Variants in HEATR5A observed in about 807,000 individuals in gnomAD.
The protein encoded by HEATR5A is HEAT repeat containing 5A.
In HEATR5A, 178 loss-of-function variants were observed where a neutral mutation model predicts 218.8. The observed-to-expected ratio is 0.81, with a 90% CI of 0.72 to 0.92. The LOEUF (loss-of-function observed/expected upper bound fraction) is 0.92, where lower values mean the gene tolerates loss of function less well. Among genes scored for constraint, HEATR5A ranks in the 40% least tolerant of loss-of-function variants. The pLI, the probability that HEATR5A is intolerant of heterozygous loss-of-function variation, is 0.00. For synonymous variants in HEATR5A, 864 were observed against 871.6 expected (o/e 0.99, Z 0.15); for missense variants, 2,420 against 2,418.9 (o/e 1.00, Z -0.01).
rs868050681 is a variant in HEATR5A at position 31,308,975 on chromosome 14, G to A, written c.4649C>T (p.Ser1550Phe). 2 of 1,613,756 alleles carry A rather than the reference G, an allele frequency of 1.2e-6. No individual in the cohort carries two copies. Among genetic ancestry groups the A allele is most frequent in the Non-Finnish European group, 1.7e-6 (2 of 1,179,768 alleles). ...TCTATCAGTGTAGACATCCTCAGGG[G>A]ACTTTATGGTAGCCCCAGATGATGA... Reference protein sequence around the residue: ...QGSSSGATIKSPEDVYTDRFH... With the variant: ...QGSSSGATIKFPEDVYTDRFH... Residue 1550 changes from serine to phenylalanine, a missense_variant, in exon 29 of 36, where the codon TCC becomes TTC. Ser to Phe is a radical substitution (Grantham distance 155). Coordinates refer to ENST00000543095, the MANE Select transcript of HEATR5A (RefSeq NM_015473.4).
intron 21 of HEATR5A, among the ~76,000 whole-genome samples, chr14:31,341,964 G>A (rs1900854176): frequency 6.6e-6 from 1 of 152,124 alleles, no homozygotes; most frequent in Non-Finnish European, 1.5e-5. Flanking sequence ...TCCTGGGGAA[G>A]AGTCCCTGAA....
At chr14:31,303,377 G>A (rs1899450759) in intron 32 of HEATR5A, among the ~76,000 whole-genome samples, 1 of 152,150 alleles carries the variant, frequency 6.6e-6, no homozygotes. Flanking sequence ...AGGTTGCAGT[G>A]AGCTGAGATC....
Position 31,326,298 on chromosome 14 carries a change from A to G in HEATR5A, c.3412T>C (p.Leu1138=), listed in dbSNP as rs1900263459. Residue 1138 remains leucine (L), a synonymous_variant, in exon 23 of 36, where the codon TTA becomes CTA. Transcript: ENST00000543095. ...EVGLEGALLI[L]LDKETDERLC... Reference sequence around the variant, plus strand: ...CTCTCATCTGTCTCCTTGTCTAGTAAGATCAACAATGCCCCCTCAAGGCCA... The same window carrying G: ...CTCTCATCTGTCTCCTTGTCTAGTAGGATCAACAATGCCCCCTCAAGGCCA... The G allele has an allele frequency of 1.2e-6, 2 of 1,613,290 alleles. No homozygotes were observed. The highest frequency in any genetic ancestry group is 1.7e-6 in the Non-Finnish European group (2 of 1,179,584).
Position 31,387,223 on chromosome 14 carries a change from T to C in HEATR5A, c.1086A>G (p.Ser362=). 2 of 1,613,848 alleles carry C rather than the reference T, an allele frequency of 1.2e-6. No individual in the cohort carries two copies. Among genetic ancestry groups the C allele is most frequent in the Non-Finnish European group, 1.7e-6 (2 of 1,179,870 alleles). ...IDAVCCRRCV[S]FILRTTIGGL... Reference sequence around the variant, plus strand: ...CACCTATAGTAGTTCGAAGAATAAATGAAACACAACGGCGACAGCAGACGG... The same window carrying C: ...CACCTATAGTAGTTCGAAGAATAAACGAAACACAACGGCGACAGCAGACGG... Residue 362 remains serine (S), a synonymous_variant, in exon 8 of 36, where the codon TCA becomes TCG. Transcript: ENST00000543095.
intron 12 of HEATR5A, among the ~76,000 whole-genome samples, chr14:31,372,767 T>C (rs1169361140): frequency 6.6e-6 from 1 of 152,122 alleles, no homozygotes; most frequent in African/African-American, 2.4e-5. Flanking sequence ...GCAGAGGTTG[T>C]GGTGAGCCAA....
intron 1 of HEATR5A, among the ~76,000 whole-genome samples, chr14:31,413,607 C>T (rs796278356): frequency 7.2e-5 from 11 of 152,188 alleles, no homozygotes; most frequent in African/African-American, 2.6e-4. Context: ...TAGGAACCAA[C>T]TCTAAGATGT....
Position 31,380,526 on chromosome 14 carries a change from C to T in HEATR5A, c.1649G>A (p.Arg550His), listed in dbSNP as rs755050539. ...AGCTTGTGTGCGCTGAGCTGAAAGGCGACTGTTTTGAGCAGCAGAACACAG... is the reference window on the plus strand; with the variant it reads ...AGCTTGTGTGCGCTGAGCTGAAAGGTGACTGTTTTGAGCAGCAGAACACAG... Reference protein sequence around the residue: ...DLLCSAAQNSRLSAQRTQAGW... With the variant: ...DLLCSAAQNSHLSAQRTQAGW... Residue 550 changes from arginine (R) to histidine (H), a missense_variant, in exon 11 of 36, where the codon CGC becomes CAC. Arg to His is a conservative substitution (Grantham distance 29). Coordinates refer to ENST00000543095, the MANE Select transcript of HEATR5A (RefSeq NM_015473.4). 1.2e-5 allele frequency: 19 copies of T among 1,608,320 alleles called. No homozygotes were observed. The highest frequency in any genetic ancestry group is 1.6e-4 in the Middle Eastern group (1 of 6,082).
At chr14:31,305,273 A>AT in intron 31 of HEATR5A, 96 bp from the exon 32 acceptor site, 1 of 1,319,170 alleles carries the variant, frequency 7.6e-7, no homozygotes, top group Non-Finnish European at 1.0e-6. Flanking sequence ...CATGTATTTT[A>AT]TTTTTTTGAG....
intron 19 of HEATR5A, among the ~76,000 whole-genome samples, chr14:31,346,864 C>T (rs761325548): frequency 1.7e-4 from 26 of 151,960 alleles, no homozygotes; most frequent in Non-Finnish European, 3.4e-4. Context: ...AGTAAAAGAA[C>T]GGGAGAAATA....
At chr14:31,323,482 T>A in intron 24 of HEATR5A, 83 bp downstream of exon 24, 4 of 1,123,098 alleles carry the variant, frequency 3.6e-6, no homozygotes, top group Non-Finnish European at 4.8e-6. Flanking sequence ...TAAAAAAATA[T>A]TTTAATATTT....
intron 14 of HEATR5A, among the ~76,000 whole-genome samples, chr14:31,362,713 G>A (rs1355971050): frequency 6.6e-6 from 1 of 150,504 alleles, no homozygotes; most frequent in African/African-American, 2.4e-5. Context: ...GGGAGGTCGA[G>A]GCTGCAGTGA....
intron 13 of HEATR5A, among the ~76,000 whole-genome samples, chr14:31,370,463 T>C (rs1566771655): frequency 6.6e-6 from 1 of 152,234 alleles, no homozygotes. Context: ...GAGTAAGTGT[T>C]GGTGAAAAAG....
Position 31,383,584 on chromosome 14 carries a change from A to G in HEATR5A, c.1533T>C (p.Ala511=), listed in dbSNP as rs17661360. 0.015 allele frequency: 23,532 copies of G among 1,613,996 alleles called. 197 individuals are homozygous for G. Among genetic ancestry groups the G allele is most frequent in the Non-Finnish European group, 0.018 (21,039 of 1,179,840 alleles). ...SPEAVTGFSF[A]VAALLGAVKH... ...TTACTGCTCCCAACAAAGCTGCTAC[A>G]GCAAAACTGAAGCCAGTCACTGCTT... The change falls in exon 10 of 36, where the codon GCT becomes GCC. Residue 511 remains alanine, a synonymous_variant. Transcript: ENST00000543095.
chr14:31,397,786 G>A (rs1379753806), intron 4 of HEATR5A, among the ~76,000 whole-genome samples: 1 of 152,078 alleles, frequency 6.6e-6, no homozygotes, highest in Non-Finnish European at 1.5e-5. Flanking sequence ...AGTCTTCCGA[G>A]GGGCTAGAAC....
At chr14:31,345,746 T>C (rs1463979265) in intron 19 of HEATR5A, among the ~76,000 whole-genome samples, 1 of 152,216 alleles carries the variant, frequency 6.6e-6, no homozygotes, top group Non-Finnish European at 1.5e-5. Flanking sequence ...CAAATTAGGA[T>C]AGTGGTTATC....
At chr14:31,302,603 A>G (rs185918990) in intron 32 of HEATR5A, 84 bp from the exon 33 acceptor site, 6 of 867,520 alleles carry the variant, frequency 6.9e-6, no homozygotes, top group Non-Finnish European at 1.1e-5. Flanking sequence ...GAGTAAGACA[A>G]TGTCAGATTT....
At chr14:31,308,085 T>A in intron 29 of HEATR5A, 65 bp from the exon 30 acceptor site, 3 of 1,410,764 alleles carry the variant, frequency 2.1e-6, no homozygotes, top group Non-Finnish European at 2.9e-6. Context: ...ATTAAGTAAT[T>A]AATCTTATAT....
Position 31,337,630 on chromosome 14 carries a change from T to C in HEATR5A, c.3229-16A>G. 1 of 1,593,644 alleles carries C rather than the reference T, an allele frequency of 6.3e-7. No individual in the cohort carries two copies. On this transcript the variant is annotated splice_polypyrimidine_tract_variant and intron_variant, in intron 21 of 35. Transcript: ENST00000543095. ...AAAGATTCACCTGAAAAATACCATT[T>C]GAGGAACGACAGAGCTAAAATTCTT...
intron 5 of HEATR5A, among the ~76,000 whole-genome samples, 154 bp from the exon 6 acceptor site, chr14:31,394,380 A>T (rs2030568215): frequency 6.6e-6 from 1 of 152,258 alleles, no homozygotes; most frequent in Non-Finnish European, 1.5e-5. Context: ...GATACTTATT[A>T]AAAGTCATAA....
Sources: allele counts gnomAD v4.1 joint callset (sites outside exome capture counted in the v4.1 genomes callset), GRCh38; gene constraint gnomAD v4.1.1; transcripts MANE v1.5; gene names NCBI Gene and HGNC (gene_info 2026-07-23, HGNC 2026-07-21).